Variants in PKD2L2 observed in about 807,000 individuals in gnomAD.
PKD2L2 encodes the protein polycystin-2-like protein 2.
Under a neutral mutation model 83.9 loss-of-function variants are expected in PKD2L2, and 67 were observed. The observed-to-expected ratio is 0.80, with a 90% CI of 0.66 to 0.98. The LOEUF (loss-of-function observed/expected upper bound fraction) is 0.98. Among genes scored for constraint, PKD2L2 ranks in the 50% least tolerant of loss-of-function variants. The pLI is 0.00. For synonymous variants in PKD2L2, 223 were observed against 237.8 expected, an observed-to-expected ratio of 0.94 and a Z score of 0.57; for missense variants, 632 against 717.2, an observed-to-expected ratio of 0.88 and a Z score of 1.36.
intron 2 of PKD2L2, among the ~76,000 whole-genome samples, chr5:137,891,011 C>T (rs1200523355): frequency 6.6e-6 from 1 of 152,182 alleles, no homozygotes; most frequent in Admixed American, 6.5e-5. Context: ...GTTCTTTTCA[C>T]TGACCTATTG....
At chr5:137,910,751 C>T (rs892032604) in intron 8 of PKD2L2, among the ~76,000 whole-genome samples, 1 of 150,748 alleles carries the variant, frequency 6.6e-6, no homozygotes, top group African/African-American at 2.4e-5. Context: ...TGCACTCCAG[C>T]CTGGGCGACA....
chr5:137,895,936 G>A (rs1195249672), intron 4 of PKD2L2, among the ~76,000 whole-genome samples: 2 of 149,874 alleles, frequency 1.3e-5, no homozygotes, highest in Non-Finnish European at 3.0e-5. Flanking sequence ...CAGCACTTTG[G>A]GAGGCCGAGG....
intron 6 of PKD2L2, 73 bp downstream of exon 6, chr5:137,906,507 C>A: frequency 1.4e-6 from 1 of 715,750 alleles, no homozygotes. Flanking sequence ...TGTAAAAAGA[C>A]AGAATCTTCT....
intron 1 of PKD2L2, chr5:137,890,207 G>C (rs10071629): frequency 0.22 from 52,544 of 242,938 alleles, 7,133 homozygotes; most frequent in African/African-American, 0.42. Flanking sequence ...CGCTTGAACC[G>C]GGGAGGCGGA....
chr5:137,918,333 A>G (rs1334718978), intron 8 of PKD2L2, among the ~76,000 whole-genome samples: 1 of 152,104 alleles, frequency 6.6e-6, no homozygotes, highest in Non-Finnish European at 1.5e-5. Flanking sequence ...TAATGTCTGG[A>G]TCCCAAAAAA....
chr5:137,892,923 C>G (rs1756119155), intron 3 of PKD2L2, among the ~76,000 whole-genome samples: 1 of 152,140 alleles, frequency 6.6e-6, no homozygotes, highest in African/African-American at 2.4e-5. Context: ...GCCTGACCAA[C>G]TTGGTGAAAC....
intron 12 of PKD2L2, among the ~76,000 whole-genome samples, chr5:137,930,983 G>T (rs1304271780): frequency 6.6e-6 from 1 of 152,042 alleles, no homozygotes; most frequent in Non-Finnish European, 1.5e-5. Context: ...TGGAATAAAG[G>T]AGAGAAAGCA....
chr5:137,919,495 A>G (rs1231126027), intron 8 of PKD2L2, among the ~76,000 whole-genome samples: 2 of 145,522 alleles, frequency 1.4e-5, no homozygotes, highest in Admixed American at 7.1e-5. Context: ...GGAGAAAAGA[A>G]TGAGAATGGT....
chr5:137,919,689 A>G (rs1758713939), intron 8 of PKD2L2, among the ~76,000 whole-genome samples: 1 of 152,168 alleles, frequency 6.6e-6, no homozygotes, highest in Admixed American at 6.5e-5. Flanking sequence ...CCAGTATTAA[A>G]AGCAAGATAA....
chr5:137,935,682 C>G, intron 12 of PKD2L2, 115 bp from the exon 13 acceptor site: 1 of 624,948 alleles, frequency 1.6e-6, no homozygotes, highest in Non-Finnish European at 2.8e-6. Context: ...GGCTCAAAAT[C>G]TGAGGGCTGG....
At chr5:137,924,681 C>T (rs1051310727) in intron 10 of PKD2L2, among the ~76,000 whole-genome samples, 2 of 152,154 alleles carry the variant, frequency 1.3e-5, no homozygotes, top group Non-Finnish European at 2.9e-5. Flanking sequence ...GTAAAGCTAT[C>T]CCCCAATTAG....
At chr5:137,932,347 T>C (rs1330740397) in intron 12 of PKD2L2, among the ~76,000 whole-genome samples, 1 of 149,050 alleles carries the variant, frequency 6.7e-6, no homozygotes, top group Non-Finnish European at 1.5e-5. Flanking sequence ...AAACTCTGTC[T>C]CAAAAAAAAA....
intron 8 of PKD2L2, among the ~76,000 whole-genome samples, chr5:137,917,012 G>A (rs1758420670): frequency 6.6e-6 from 1 of 151,954 alleles, no homozygotes; most frequent in Non-Finnish European, 1.5e-5. Context: ...AATTCATATT[G>A]TTCATCAAAC....
chr5:137,934,819 G>C (rs1760180276), intron 12 of PKD2L2, among the ~76,000 whole-genome samples: 1 of 151,800 alleles, frequency 6.6e-6, no homozygotes, highest in South Asian at 2.1e-4. Context: ...AGAGTGGGAG[G>C]CTGCAGTGAG....
Position 137,925,865 on chromosome 5 carries a change from T to C in PKD2L2, c.1617-10T>C. On this transcript the variant is annotated splice_polypyrimidine_tract_variant and intron_variant, in intron 11 of 14. Coordinates refer to ENST00000508883, the MANE Select transcript of PKD2L2 (RefSeq NM_001300921.2). The stretch of plus-strand genomic sequence containing the variant: ...ATTTGCCTCTGACTTTTATTTTATA[T>C]TCTCAATAGCAAAGGCAGCGGAGAT... The C allele has an allele frequency of 6.3e-7, 1 of 1,575,314 alleles. No individual in the cohort carries two copies. The highest frequency in any genetic ancestry group is 2.2e-5 in the East Asian group (1 of 44,560).
intron 14 of PKD2L2, chr5:137,939,705 T>G: frequency 4.1e-6 from 1 of 245,790 alleles, no homozygotes; most frequent in Non-Finnish European, 6.9e-6. Flanking sequence ...ATAGTACGAC[T>G]TGAAATCTCA....
intron 8 of PKD2L2, among the ~76,000 whole-genome samples, chr5:137,915,127 T>C (rs1326603822): frequency 6.6e-6 from 1 of 152,212 alleles, no homozygotes; most frequent in African/African-American, 2.4e-5. Context: ...AAGGTAATGA[T>C]AGCCACGTAA....
intron 2 of PKD2L2, 141 bp from the exon 3 acceptor site, chr5:137,892,339 T>C: frequency 2.4e-6 from 1 of 421,228 alleles, no homozygotes; most frequent in South Asian, 8.0e-5. Context: ...ATATTTCTAG[T>C]TTAGATTTTT....
At chr5:137,925,227 C>T (rs761077794) in intron 11 of PKD2L2, 123 bp downstream of exon 11, 14 of 649,674 alleles carry the variant, frequency 2.2e-5, no homozygotes, top group Non-Finnish European at 3.5e-5. Context: ...GGGGTTTCAC[C>T]ATGTTGGTCA....
Sources: allele counts gnomAD v4.1 joint callset (sites outside exome capture counted in the v4.1 genomes callset), GRCh38; gene constraint gnomAD v4.1.1; transcripts MANE v1.5; gene names NCBI Gene and HGNC (gene_info 2026-07-23, HGNC 2026-07-21).